Variants in FAM180A observed in about 807,000 individuals in gnomAD.
FAM180A encodes the protein protein FAM180A.
A neutral mutation model predicts 15.3 loss-of-function variants in FAM180A; 14 were observed. That is an observed-to-expected ratio of 0.92 (90% confidence interval 0.61 to 1.43). The LOEUF (loss-of-function observed/expected upper bound fraction) is 1.43, where lower values mean the gene tolerates loss of function less well. Ranked by LOEUF, FAM180A falls within the 40% of genes most tolerant of loss-of-function variation. The pLI is 0.00. For missense variants in FAM180A, 200 were observed against 220.8 expected (o/e 0.91, Z 0.60); for synonymous variants, 90 against 96.8 (o/e 0.93, Z 0.41).
intron 1 of FAM180A, among the ~76,000 whole-genome samples, chr7:135,739,209 C>T (rs1584752125): frequency 1.3e-5 from 2 of 150,236 alleles, no homozygotes; most frequent in South Asian, 2.1e-4. Context: ...ACTTGGGAGG[C>T]TGAGGCAGGA....
Position 135,729,794 on chromosome 7 carries a change from TAGTC to T in FAM180A, c.*813_*816del, listed in dbSNP as rs57001105. 0.06 allele frequency: 58,420 copies of T among 969,710 alleles called. 2,263 individuals are homozygous for T. Among genetic ancestry groups the T allele is most frequent in the African/African-American group, 0.18 (10,345 of 56,870 alleles). 60.1% of individuals were successfully genotyped at this position (969,710 alleles called of 1,614,324 possible). A position where few individuals can be genotyped will look rare whatever the true frequency, so the allele number is the denominator to read the frequency against. Reference sequence around the variant, plus strand: ...TCCCGCTTGTATGAGGTATCTTAAGTAGTCAGACTCTCAAAAACAGAAAGCAGAA... The same window carrying T: ...TCCCGCTTGTATGAGGTATCTTAAGTAGACTCTCAAAAACAGAAAGCAGAA... On this transcript the variant is annotated 3_prime_UTR_variant, in exon 4 of 4. Coordinates refer to ENST00000338588, the MANE Select transcript of FAM180A (RefSeq NM_205855.4).
At chr7:135,741,010 A>C (rs905843909) in intron 1 of FAM180A, among the ~76,000 whole-genome samples, 4 of 151,938 alleles carry the variant, frequency 2.6e-5, no homozygotes, top group African/African-American at 9.7e-5. Context: ...GAGGAAGGCA[A>C]TAGGGAGGGA....
intron 1 of FAM180A, among the ~76,000 whole-genome samples, chr7:135,737,752 T>C (rs1796893503): frequency 6.6e-6 from 1 of 151,500 alleles, no homozygotes; most frequent in South Asian, 2.1e-4. Context: ...CAGAACCATC[T>C]GAGAAAACGA....
Position 135,732,740 on chromosome 7 carries a change from C to CAA in FAM180A, c.*329+904_*329+905dup, listed in dbSNP as rs1554482124. On this transcript the variant is annotated intron_variant, in intron 3 of 3. Transcript: ENST00000338588. ...ACACACACACACACACACACACACA[C>CAA]AAGAATGTTTGAATGATGATCTTAC... 1.2e-4 allele frequency among the ~76,000 whole-genome samples: 17 copies of CAA among 138,182 alleles called. No homozygotes were observed. The South Asian group carries it at 2.3e-3, about 19-fold the overall frequency. The allele number at this position is 138,182 out of a possible 152,430, so 90.7% of individuals were successfully genotyped here. A position where few individuals can be genotyped will look rare whatever the true frequency, so the allele number is the denominator to read the frequency against.
rs9768758 is a variant in FAM180A, at chr7:135,745,908, A to T, written c.76+2597T>A. On this transcript the variant is annotated intron_variant, in intron 1 of 3. Transcript: ENST00000338588. ...GGGTAAGGATGAAGGTGAAATGAAT[A>T]ATACATTTGGAAAAACTTACTCATT... Among the ~76,000 whole-genome samples the T allele has an allele frequency of 7.1e-3, 1,083 of 152,212 alleles. 8 individuals carry two copies. The highest frequency in any genetic ancestry group is 9.1e-3 in the Non-Finnish European group (620 of 68,014).
chr7:135,732,636 C>T (rs567188220), intron 3 of FAM180A, among the ~76,000 whole-genome samples: 4 of 149,292 alleles, frequency 2.7e-5, no homozygotes, highest in East Asian at 2.0e-4. Context: ...GACACTGCAG[C>T]GAGCCGAGAT....
chr7:135,740,651 C>T (rs1796932185), intron 1 of FAM180A, among the ~76,000 whole-genome samples: 1 of 152,132 alleles, frequency 6.6e-6, no homozygotes, highest in African/African-American at 2.4e-5. Context: ...GAGCTCTTGC[C>T]TATCTGATGG....
intron 2 of FAM180A, among the ~76,000 whole-genome samples, chr7:135,734,913 C>CT (rs1304092894): frequency 6.6e-6 from 1 of 151,906 alleles, no homozygotes; most frequent in East Asian, 1.9e-4. Context: ...TTTTTGTTTT[C>CT]TTTTTTGAGA....
In FAM180A at chr7:135,748,685, C is replaced by G; in HGVS notation, c.-105G>C. On this transcript the variant is annotated 5_prime_UTR_variant, in exon 1 of 4. Coordinates refer to ENST00000338588, the MANE Select transcript of FAM180A (RefSeq NM_205855.4). ...CCCAGTGAGATGATGGAGTGCTTCC[C>G]TCCCTTCCTTTTGCAGACGTGCAGA... The G allele has an allele frequency of 1.1e-6, 1 of 880,882 alleles. No individual in the cohort carries two copies. The highest frequency in any genetic ancestry group is 2.4e-5 in the East Asian group (1 of 41,232). The allele number at this position is 880,882 out of a possible 1,614,324, so 54.6% of individuals were successfully genotyped here.
intron 3 of FAM180A, among the ~76,000 whole-genome samples, chr7:135,732,932 AAGAC>A (rs1796808808): frequency 6.6e-6 from 1 of 152,188 alleles, no homozygotes; most frequent in South Asian, 2.1e-4. Flanking sequence ...TTTTTGCATG[AAGAC>A]AGACAGGCAC....
intron 1 of FAM180A, among the ~76,000 whole-genome samples, chr7:135,741,089 A>G (rs911441911): frequency 9.2e-5 from 14 of 152,108 alleles, no homozygotes; most frequent in Admixed American, 7.9e-4. Context: ...GTTATTTATG[A>G]TCTTAGACCT....
Position 135,729,772 on chromosome 7 carries a change from C to T in FAM180A, c.*839G>A, listed in dbSNP as rs892778303. ...TGCTCAAGAAATGTAAGCCAGATCC[C>T]GCTTGTATGAGGTATCTTAAGTAGT... On this transcript the variant is annotated 3_prime_UTR_variant, in exon 4 of 4. Coordinates refer to ENST00000338588, the MANE Select transcript of FAM180A (RefSeq NM_205855.4). 5 of 983,938 alleles carry T rather than the reference C, an allele frequency of 5.1e-6. No homozygotes were observed. Among genetic ancestry groups the T allele is most frequent in the Non-Finnish European group, 6.0e-6 (5 of 829,268 alleles). The allele number at this position is 983,938 out of a possible 1,614,324, so 61.0% of individuals were successfully genotyped here.
chr7:135,740,452 C>A (rs993362600), intron 1 of FAM180A, among the ~76,000 whole-genome samples: 1 of 152,122 alleles, frequency 6.6e-6, no homozygotes, highest in Non-Finnish European at 1.5e-5. Context: ...ACTAGACATT[C>A]GATTCATCCG....
At chr7:135,735,352 G>A (rs908908999) in intron 2 of FAM180A, among the ~76,000 whole-genome samples, 13 of 152,180 alleles carry the variant, frequency 8.5e-5, no homozygotes, top group Admixed American at 3.9e-4. Context: ...GAGTTTGAAG[G>A]ATGCAGAGGA....
chr7:135,747,358 A>G (rs970748139), intron 1 of FAM180A, among the ~76,000 whole-genome samples: 4 of 152,192 alleles, frequency 2.6e-5, no homozygotes, highest in African/African-American at 9.6e-5. Context: ...CAAGGTTGTT[A>G]TGAGAAAAAT....
chr7:135,737,685 G>A (rs530768990), intron 1 of FAM180A, among the ~76,000 whole-genome samples: 1 of 151,790 alleles, frequency 6.6e-6, no homozygotes, highest in Non-Finnish European at 1.5e-5. Context: ...CTCCCCTGGT[G>A]TGGCCCAGAA....
chr7:135,740,650 C>T (rs1315012076), intron 1 of FAM180A, among the ~76,000 whole-genome samples: 1 of 152,120 alleles, frequency 6.6e-6, no homozygotes, highest in African/African-American at 2.4e-5. Flanking sequence ...AGAGCTCTTG[C>T]CTATCTGATG....
At chr7:135,734,933 A>T (rs1796849921) in intron 2 of FAM180A, among the ~76,000 whole-genome samples, 1 of 151,976 alleles carries the variant, frequency 6.6e-6, no homozygotes, top group Non-Finnish European at 1.5e-5. Flanking sequence ...ATGGAGTCTC[A>T]CTCTGTCACT....
chr7:135,737,586 C>CAAAAAAAAAAAAAAAAAAAA (rs35378393), intron 1 of FAM180A, among the ~76,000 whole-genome samples: 1 of 82,384 alleles, frequency 1.2e-5, no homozygotes, highest in Non-Finnish European at 2.3e-5. Flanking sequence ...GACTCCATGT[C>CAAAAAAAAAAAAAAAAAAAA]AAAAAAAAAA....
Sources: gnomAD v4.1 joint callset for allele counts (sites outside exome capture counted in the v4.1 genomes callset) on GRCh38, gnomAD v4.1.1 for gene constraint, MANE v1.5 for transcripts, NCBI Gene and HGNC (gene_info 2026-07-23, HGNC 2026-07-21) for gene names.